ERI3: variants seen among roughly 807,000 people sequenced by gnomAD.
ERI3 encodes the protein ERI1 exoribonuclease family member 3.
A neutral mutation model predicts 44.4 loss-of-function variants in ERI3; 18 were observed. The ratio of observed to expected loss-of-function variants is 0.41; its 90% confidence interval spans 0.28 to 0.60. ERI3 has a LOEUF of 0.60. ERI3 is among the 20% of genes least tolerant of loss of function. The pLI is 0.36. For synonymous variants in ERI3, 183 were observed against 164.8 expected, an observed-to-expected ratio of 1.11 and a Z score of -0.84; for missense variants, 294 against 435.5, an observed-to-expected ratio of 0.68 and a Z score of 2.89.
chr1:44,270,734 C>T (rs765097848), intron 7 of ERI3, among the ~76,000 whole-genome samples: 1 of 151,832 alleles, frequency 6.6e-6, no homozygotes, highest in Non-Finnish European at 1.5e-5. Flanking sequence ...TATAAGAACT[C>T]CAGAGGAGAG....
At chr1:44,322,777 T>C in intron 3 of ERI3, 2 of 1,550,176 alleles carry the variant, frequency 1.3e-6, no homozygotes, top group South Asian at 1.2e-5. Context: ...CTCAAAATAC[T>C]GGCCCAAACA....
chr1:44,304,148 G>A (rs1356563747), intron 6 of ERI3, among the ~76,000 whole-genome samples: 4 of 152,268 alleles, frequency 2.6e-5, no homozygotes, highest in African/African-American at 7.2e-5. Flanking sequence ...ACGTCTAGGT[G>A]GAGATGTAGA....
Position 44,354,404 on chromosome 1 carries a change from A to T in ERI3, c.135+488T>A, listed in dbSNP as rs1055341211. The T allele has an allele frequency of 7.1e-6, 7 of 985,342 alleles. No homozygotes were observed. The African/African-American group carries it at 8.7e-5, about 12-fold the overall frequency. 61.0% of individuals were successfully genotyped at this position (985,342 alleles called of 1,614,324 possible). A position where few individuals can be genotyped will look rare whatever the true frequency, so the allele number is the denominator to read the frequency against. Reference sequence around the variant, plus strand: ...GCAGTTATATTTTGCAAGAACTCGCAGTCAAGCCTCAATCCAAGTTCATGC... The same window carrying T: ...GCAGTTATATTTTGCAAGAACTCGCTGTCAAGCCTCAATCCAAGTTCATGC... On this transcript the variant is annotated intron_variant, in intron 1 of 8. Coordinates refer to ENST00000372257, the MANE Select transcript of ERI3 (RefSeq NM_024066.3).
At chr1:44,254,123 A>G (rs1644736120) in intron 7 of ERI3, among the ~76,000 whole-genome samples, 1 of 152,114 alleles carries the variant, frequency 6.6e-6, no homozygotes, top group African/African-American at 2.4e-5. Context: ...CTGGGACTTC[A>G]TTCCAAATCA....
At position 44,317,143 on chromosome 1, in the gene ERI3, T is replaced by TGC. The variant is rs1553196460; in HGVS notation, c.606+2483_606+2484dup. On this transcript the variant is annotated intron_variant, in intron 4 of 8. Coordinates refer to ENST00000372257, the MANE Select transcript of ERI3 (RefSeq NM_024066.3). Reference sequence around the variant, plus strand: ...TGTGCACATGTCATACGCATGTGCGTGCACACACACACACACACACACACT... The same window carrying TGC: ...TGTGCACATGTCATACGCATGTGCGTGCGCACACACACACACACACACACACT... Among the ~76,000 whole-genome samples the TGC allele has an allele frequency of 5.4e-5, 4 of 73,658 alleles. No individual in the cohort carries two copies. The East Asian group carries it at 1.9e-3, about 34-fold the overall frequency. The allele number at this position is 73,658 out of a possible 152,430, so 48.3% of individuals were successfully genotyped here. A position where few individuals can be genotyped will look rare whatever the true frequency, so the allele number is the denominator to read the frequency against.
chr1:44,234,658 C>G (rs1443203533), intron 8 of ERI3, among the ~76,000 whole-genome samples: 1 of 152,016 alleles, frequency 6.6e-6, no homozygotes, highest in Non-Finnish European at 1.5e-5. Context: ...GACTCTGTCT[C>G]AAAAAACAGC....
At chr1:44,262,435 G>A (rs1359245506) in intron 7 of ERI3, among the ~76,000 whole-genome samples, 1 of 152,214 alleles carries the variant, frequency 6.6e-6, no homozygotes, top group Admixed American at 6.5e-5. Flanking sequence ...TAGAGATGGT[G>A]TGCTTCTCTC....
At position 44,253,397 on chromosome 1, in the gene ERI3, A is replaced by G. The variant is rs1406601886; in HGVS notation, c.832-5359T>C. On this transcript the variant is annotated intron_variant, in intron 7 of 8. Transcript: ENST00000372257. ...CCCAGGACTACTCACTCCCACTGCT[A>G]CCTCCAGATATTCTTGGTGCCATTG... is the stretch of plus-strand genomic sequence containing the variant. Among the ~76,000 whole-genome samples, 6 of 152,128 alleles carry G rather than the reference A, an allele frequency of 3.9e-5. No individual in the cohort carries two copies. In the South Asian group the frequency reaches 1.0e-3, roughly 26 times the overall value.
At chr1:44,327,309 ATC>A (rs1258930222) in intron 3 of ERI3, among the ~76,000 whole-genome samples, 1 of 152,190 alleles carries the variant, frequency 6.6e-6, no homozygotes, top group Non-Finnish European at 1.5e-5. Flanking sequence ...AGAGGGCCTG[ATC>A]TCTCTGTGTT....
At chr1:44,319,112 G>T (rs1472858304) in intron 4 of ERI3, among the ~76,000 whole-genome samples, 1 of 152,232 alleles carries the variant, frequency 6.6e-6, no homozygotes, top group East Asian at 1.9e-4. Flanking sequence ...GCAGATTTCA[G>T]CCTTGGCCAG....
intron 2 of ERI3, among the ~76,000 whole-genome samples, chr1:44,347,879 T>TTGTGTGTGTGTG (rs113526509): frequency 1.9e-4 from 29 of 148,882 alleles, no homozygotes; most frequent in East Asian, 1.8e-3. Context: ...GATTGTTTTG[T>TTGTGTGTGTGTG]TGTGTGTGTG....
chr1:44,331,212 TAGTC>T (rs1351150475), intron 3 of ERI3, among the ~76,000 whole-genome samples: 1 of 152,172 alleles, frequency 6.6e-6, no homozygotes, highest in Non-Finnish European at 1.5e-5. Context: ...ATCTCAATGT[TAGTC>T]AGCCAGCTAT....
chr1:44,352,745 A>C, intron 2 of ERI3, 105 bp downstream of exon 2: 1 of 1,254,778 alleles, frequency 8.0e-7, no homozygotes, highest in Non-Finnish European at 1.1e-6. Context: ...TTGGGGATAC[A>C]TGGGAAAAAA....
At chr1:44,289,532 C>T (rs1336897903) in intron 6 of ERI3, among the ~76,000 whole-genome samples, 2 of 152,220 alleles carry the variant, frequency 1.3e-5, no homozygotes, top group Non-Finnish European at 2.9e-5. Flanking sequence ...AGAGCATTCC[C>T]CCTACTTAGA....
intron 6 of ERI3, among the ~76,000 whole-genome samples, chr1:44,302,307 G>A (rs1645743384): frequency 6.6e-6 from 1 of 152,234 alleles, no homozygotes; most frequent in African/African-American, 2.4e-5. Context: ...CAGGAGGGGA[G>A]CCCAAGCACT....
intron 7 of ERI3, among the ~76,000 whole-genome samples, chr1:44,257,131 T>G (rs1038561348): frequency 6.6e-6 from 1 of 152,128 alleles, no homozygotes; most frequent in African/African-American, 2.4e-5. Context: ...CCGGCTCCAA[T>G]AAGTGTATTT....
chr1:44,238,773 C>A (rs1310978576), intron 8 of ERI3, among the ~76,000 whole-genome samples: 1 of 151,870 alleles, frequency 6.6e-6, no homozygotes, highest in African/African-American at 2.4e-5. Flanking sequence ...CAGACTGGGG[C>A]TGAAAGGAAA....
intron 6 of ERI3, among the ~76,000 whole-genome samples, chr1:44,291,159 G>A (rs1368542659): frequency 1.3e-5 from 2 of 152,194 alleles, no homozygotes; most frequent in Admixed American, 6.5e-5. Context: ...CATTTCAACA[G>A]GTTCCTTAGT....
chr1:44,350,680 TAA>T (rs1275507998), intron 2 of ERI3, among the ~76,000 whole-genome samples: 1 of 152,256 alleles, frequency 6.6e-6, no homozygotes, highest in Admixed American at 6.5e-5. Flanking sequence ...AGGAAGTTAG[TAA>T]AGAGAACTGT....
Sources: gnomAD v4.1 joint callset for allele counts (sites outside exome capture counted in the v4.1 genomes callset) on GRCh38, gnomAD v4.1.1 for gene constraint, MANE v1.5 for transcripts, NCBI Gene and HGNC (gene_info 2026-07-23, HGNC 2026-07-21) for gene names.